Variants in PRKAG2 observed in about 807,000 individuals in gnomAD.
PRKAG2 encodes the protein 5'-AMP-activated protein kinase subunit gamma-2.
PRKAG2 carries 26 observed loss-of-function variants against 69.6 expected under a neutral mutation model. The ratio of observed to expected loss-of-function variants is 0.37; its 90% CI spans 0.27 to 0.52. PRKAG2 has a LOEUF of 0.52. Ranked by LOEUF, PRKAG2 falls within the 20% of genes least tolerant of loss-of-function variation. The probability of loss-of-function intolerance (pLI) is 0.90; values close to 1 mark genes in which losing one functional copy is unlikely to be tolerated. For missense variants in PRKAG2, 557 were observed against 740.0 expected (o/e 0.75, Z 2.87); for synonymous variants, 293 against 285.0 (o/e 1.03, Z -0.28).
intron 3 of PRKAG2, among the ~76,000 whole-genome samples, chr7:151,705,685 G>A (rs898691549): frequency 2.6e-5 from 4 of 152,138 alleles, no homozygotes; most frequent in Non-Finnish European, 4.4e-5. Flanking sequence ...CAGGGTGTTC[G>A]ATTGGAGGGT....
intron 1 of PRKAG2, among the ~76,000 whole-genome samples, chr7:151,845,921 G>C (rs2178305): frequency 0.17 from 25,456 of 152,134 alleles, 2,248 homozygotes; most frequent in East Asian, 0.28. Context: ...CACACACACA[G>C]TGTGTATGGT....
intron 1 of PRKAG2, among the ~76,000 whole-genome samples, chr7:151,802,893 C>G (rs2077911970): frequency 6.6e-6 from 1 of 151,860 alleles, no homozygotes; most frequent in Admixed American, 6.6e-5. Flanking sequence ...GGGCTCAGGA[C>G]TCCCACAAGG....
At position 151,780,258 on chromosome 7, in the gene PRKAG2, T is replaced by C. The variant is rs1384298756; in HGVS notation, c.466+894A>G. Among the ~76,000 whole-genome samples, 1 of 152,148 alleles carries C rather than the reference T, an allele frequency of 6.6e-6. No individual in the cohort carries two copies. The highest frequency in any genetic ancestry group is 1.5e-5 in the Non-Finnish European group (1 of 68,018). The stretch of plus-strand genomic sequence containing the variant: ...AGTTCGAAGTCAGAAACACCGAAAT[T>C]CCCCTCTTGCTGCCGCCTGGCCTTG... On this transcript the variant is annotated intron_variant, in intron 3 of 15. Transcript: ENST00000287878. The surrounding 1 kb of genome is among the most constrained non-coding windows in gnomAD (Gnocchi z 4.2).
intron 3 of PRKAG2, among the ~76,000 whole-genome samples, chr7:151,678,941 G>T (rs562724794): frequency 2.0e-5 from 3 of 152,136 alleles, no homozygotes; most frequent in African/African-American, 7.2e-5. Flanking sequence ...TCCAGCCTGG[G>T]TGACAGAGTG....
chr7:151,773,031 G>C (rs201797619), intron 3 of PRKAG2, among the ~76,000 whole-genome samples: 3 of 32,046 alleles, frequency 9.4e-5, no homozygotes, highest in Non-Finnish European at 1.3e-4. Context: ...GAAAGAGAGA[G>C]AGAGAGAGAG....
intron 1 of PRKAG2, among the ~76,000 whole-genome samples, chr7:151,857,507 C>G (rs569073284): frequency 6.6e-6 from 1 of 152,294 alleles, no homozygotes; most frequent in South Asian, 2.1e-4. Context: ...GGGTTGCATG[C>G]TGCCTTCCGG....
At position 151,802,961 on chromosome 7, in the gene PRKAG2, TA is replaced by T. The variant is rs201711783; in HGVS notation, c.115-16421del. 2.2e-3 allele frequency among the ~76,000 whole-genome samples: 277 copies of T among 124,556 alleles called. 2 individuals are homozygous for T. The highest frequency in any genetic ancestry group is 8.5e-3 in the African/African-American group (257 of 30,242). 81.7% of individuals were successfully genotyped at this position (124,556 alleles called of 152,430 possible). A position where few individuals can be genotyped will look rare whatever the true frequency, so the allele number is the denominator to read the frequency against. ...ATATAAGCAATATGATATATATATA[TA>T]TTTTTTTTTTTTTGAGACAGGGTCT... On this transcript the variant is annotated intron_variant, in intron 1 of 15. Coordinates refer to ENST00000287878, the MANE Select transcript of PRKAG2 (RefSeq NM_016203.4).
chr7:151,722,546 G>T (rs1016397425), intron 3 of PRKAG2, among the ~76,000 whole-genome samples: 46 of 152,206 alleles, frequency 3.0e-4, no homozygotes, highest in Non-Finnish European at 3.5e-4. Flanking sequence ...GAGGAAAGAA[G>T]GGCTCGGCTT....
intron 3 of PRKAG2, among the ~76,000 whole-genome samples, chr7:151,676,029 G>GT (rs1348958790): frequency 6.6e-6 from 1 of 152,128 alleles, no homozygotes; most frequent in Admixed American, 6.5e-5. Flanking sequence ...ACGGTCCCGA[G>GT]TTATCTGGTG....
chr7:151,648,316 T>C (rs1827893310), intron 4 of PRKAG2, among the ~76,000 whole-genome samples: 2 of 152,196 alleles, frequency 1.3e-5, no homozygotes, highest in Admixed American at 1.3e-4. Context: ...CTGTTTCAGA[T>C]ATATTTTTCC....
At chr7:151,795,876 T>TATATATACATATATATATATATATAC (rs2077497453) in intron 1 of PRKAG2, among the ~76,000 whole-genome samples, 10 of 112,840 alleles carry the variant, frequency 8.9e-5, no homozygotes, top group African/African-American at 3.7e-4. Flanking sequence ...TATATATATA[T>TATATATACATATATATATATATATAC]ATATATATAT....
chr7:151,815,487 A>G (rs1250986513), intron 1 of PRKAG2, among the ~76,000 whole-genome samples: 1 of 152,160 alleles, frequency 6.6e-6, no homozygotes, highest in Non-Finnish European at 1.5e-5. Flanking sequence ...GGCAGGTACC[A>G]GACAGCTAGG....
chr7:151,688,569 G>A (rs995560191), intron 3 of PRKAG2, among the ~76,000 whole-genome samples: 4 of 152,204 alleles, frequency 2.6e-5, no homozygotes, highest in Non-Finnish European at 4.4e-5. Context: ...TCCCTGCCCT[G>A]TGCTGGCCAG....
chr7:151,583,944 T>C lies in PRKAG2; in HGVS notation c.865-7492A>G, dbSNP rs942526706. 1.3e-5 allele frequency among the ~76,000 whole-genome samples: 2 copies of C among 152,146 alleles called. No homozygotes were observed. Among genetic ancestry groups the C allele is most frequent in the Non-Finnish European group, 1.5e-5 (1 of 68,014 alleles). The stretch of plus-strand genomic sequence containing the variant: ...TGTGTTCCCCAGAATGGGAAGCTGG[T>C]TCCTCTGATGCCTCACTGCTTTCTA... On this transcript the variant is annotated intron_variant, in intron 6 of 15. Transcript: ENST00000287878. This position sits in a 1 kb window ranked among gnomAD's most constrained non-coding sequence, Gnocchi z 4.1.
intron 15 of PRKAG2, chr7:151,560,009 A>C: frequency 4.1e-6 from 4 of 985,420 alleles, no homozygotes; most frequent in Non-Finnish European, 4.8e-6. Context: ...CTCAAAGTGA[A>C]TCTGTCAAAA....
chr7:151,795,845 T>TGA (rs1563689240), intron 1 of PRKAG2, among the ~76,000 whole-genome samples: 1 of 61,284 alleles, frequency 1.6e-5, no homozygotes, highest in African/African-American at 7.4e-5. Context: ...CAAACAAATC[T>TGA]CATATATATA....
intron 6 of PRKAG2, among the ~76,000 whole-genome samples, chr7:151,576,986 T>C (rs1809103845): frequency 6.8e-5 from 2 of 29,218 alleles, no homozygotes; most frequent in South Asian, 2.5e-3. Flanking sequence ...ATTAACTTCT[T>C]TTTTTTTTCT....
At chr7:151,710,955 T>C (rs1795202130) in intron 3 of PRKAG2, among the ~76,000 whole-genome samples, 1 of 151,784 alleles carries the variant, frequency 6.6e-6, no homozygotes, top group Admixed American at 6.6e-5. Flanking sequence ...GCTAGGCATA[T>C]GGTACCAGCA....
intron 5 of PRKAG2, among the ~76,000 whole-genome samples, chr7:151,616,591 C>G (rs937304319): frequency 6.6e-6 from 1 of 152,226 alleles, no homozygotes; most frequent in Non-Finnish European, 1.5e-5. Flanking sequence ...AGGAGACACA[C>G]CAAACACTGC....
Sources: gnomAD v4.1 joint callset for allele counts (sites outside exome capture counted in the v4.1 genomes callset) on GRCh38, gnomAD v4.1.1 for gene constraint, Gnocchi (gnomAD v3.1) non-coding constraint, MANE v1.5 for transcripts, NCBI Gene and HGNC (gene_info 2026-07-23, HGNC 2026-07-21) for gene names.